Variants in LSAMP observed in about 807,000 individuals in gnomAD.
LSAMP encodes the protein limbic system associated membrane protein.
LSAMP carries 7 observed loss-of-function variants against 38.6 expected under a neutral mutation model. The observed-to-expected ratio is 0.18, with a 90% CI of 0.10 to 0.34. The LOEUF (loss-of-function observed/expected upper bound fraction) is 0.34. LSAMP is among the 10% of genes least tolerant of loss of function. LSAMP has a pLI of 1.00. For synonymous variants in LSAMP, 154 were observed against 166.8 expected (o/e 0.92, Z 0.59); for missense variants, 313 against 420.0 (o/e 0.75, Z 2.23).
At chr3:115,815,067 G>GT (rs1256377877) in intron 6 of LSAMP, among the ~76,000 whole-genome samples, 2 of 152,140 alleles carry the variant, frequency 1.3e-5, no homozygotes, top group African/African-American at 4.8e-5. Context: ...AAATACGGTA[G>GT]TCCCCCCTTA....
At chr3:115,954,127 A>G (rs1384778507) in intron 3 of LSAMP, among the ~76,000 whole-genome samples, 1 of 152,040 alleles carries the variant, frequency 6.6e-6, no homozygotes, top group African/African-American at 2.4e-5. Context: ...CCCGATTCCC[A>G]GTTGGTATGT....
intron 2 of LSAMP, among the ~76,000 whole-genome samples, 167 bp from the exon 3 acceptor site, chr3:116,019,807 A>G (rs749664546): frequency 1.3e-5 from 2 of 152,192 alleles, no homozygotes; most frequent in Non-Finnish European, 2.9e-5. Flanking sequence ...TACCAAATCC[A>G]TAAGTTGTCC....
At chr3:115,883,480 T>C (rs1000802843) in intron 3 of LSAMP, among the ~76,000 whole-genome samples, 1 of 151,984 alleles carries the variant, frequency 6.6e-6, no homozygotes, top group Non-Finnish European at 1.5e-5. Flanking sequence ...GTGATATATT[T>C]TGATGGAACC....
At chr3:116,411,060 T>C (rs6771542) in intron 1 of LSAMP, among the ~76,000 whole-genome samples, 16,543 of 152,032 alleles carry the variant, frequency 0.11, 1,248 homozygotes, top group African/African-American at 0.22. Context: ...GAAATGCAAA[T>C]TCAAACCACA....
At chr3:115,819,688 A>G (rs538927151) in intron 6 of LSAMP, among the ~76,000 whole-genome samples, 1 of 152,334 alleles carries the variant, frequency 6.6e-6, no homozygotes, top group African/African-American at 2.4e-5. Context: ...GATATGAAAT[A>G]TACATTTGCT....
chr3:116,437,943 T>G (rs1268264628), intron 1 of LSAMP, among the ~76,000 whole-genome samples: 1 of 152,006 alleles, frequency 6.6e-6, no homozygotes, highest in Non-Finnish European at 1.5e-5. Flanking sequence ...GCCTTTCCTA[T>G]TCTACATATC....
chr3:116,190,679 G>T (rs890445163), intron 1 of LSAMP, among the ~76,000 whole-genome samples: 3 of 152,112 alleles, frequency 2.0e-5, no homozygotes, highest in African/African-American at 7.2e-5. Context: ...TGTAATTTTG[G>T]AATAAATGGG....
At chr3:115,990,577 C>T (rs1040893282) in intron 3 of LSAMP, among the ~76,000 whole-genome samples, 3 of 152,060 alleles carry the variant, frequency 2.0e-5, no homozygotes, top group Admixed American at 6.6e-5. Context: ...TCTGTTTTCT[C>T]AGGAATTCCA....
At chr3:116,064,234 G>A (rs1941644057) in intron 2 of LSAMP, among the ~76,000 whole-genome samples, 1 of 152,128 alleles carries the variant, frequency 6.6e-6, no homozygotes, top group African/African-American at 2.4e-5. Flanking sequence ...TCTATGGAAA[G>A]TCAGTCTGAG....
At chr3:116,105,857 A>C (rs554733033) in intron 1 of LSAMP, among the ~76,000 whole-genome samples, 3 of 151,802 alleles carry the variant, frequency 2.0e-5, no homozygotes, top group Non-Finnish European at 2.9e-5. Context: ...GGCGGCAAAA[A>C]TTTTTGGGGG....
chr3:115,937,796 TGGCCAGC>T (rs1937758659), intron 3 of LSAMP, among the ~76,000 whole-genome samples: 1 of 1,988 alleles, frequency 5.0e-4, no homozygotes, highest in Admixed American at 0.013. Context: ...TAATCCTGTA[TGGCCAGC>T]TAAATGATAT....
rs1273346101 is a variant in LSAMP at position 115,997,727 on chromosome 3, TATATATATATATATATATATATATATAC to T, written c.514+21760_514+21787del. The stretch of plus-strand genomic sequence containing the variant: ...TGACATTTTGGGATATATATATATA[TATATATATATATATATATATATATATAC>T]ACACACATACATACACACACATATA... On this transcript the variant is annotated intron_variant, in intron 3 of 6. Transcript: ENST00000490035. Among the ~76,000 whole-genome samples the T allele has an allele frequency of 3.9e-3, 234 of 59,654 alleles. 2 individuals are homozygous for T. The highest frequency in any genetic ancestry group is 0.016 in the African/African-American group (229 of 14,002). The allele number at this position is 59,654 out of a possible 152,430, so 39.1% of individuals were successfully genotyped here. A position where few individuals can be genotyped will look rare whatever the true frequency, so the allele number is the denominator to read the frequency against.
intron 3 of LSAMP, among the ~76,000 whole-genome samples, chr3:115,980,143 A>G (rs1939314799): frequency 1.3e-5 from 2 of 152,154 alleles, no homozygotes; most frequent in South Asian, 4.1e-4. Flanking sequence ...TTGGAAGAAG[A>G]TATTTTAACA....
intron 3 of LSAMP, among the ~76,000 whole-genome samples, chr3:115,985,348 T>C (rs1322086239): frequency 6.6e-6 from 1 of 152,198 alleles, no homozygotes; most frequent in East Asian, 1.9e-4. Flanking sequence ...ACATGATCTA[T>C]GATATGAAGC....
intron 1 of LSAMP, among the ~76,000 whole-genome samples, chr3:116,128,276 A>G (rs1035916338): frequency 6.6e-6 from 1 of 152,224 alleles, no homozygotes; most frequent in Admixed American, 6.5e-5. Flanking sequence ...CTCTTCACTT[A>G]TCTATTCCAA....
Position 116,225,652 on chromosome 3 carries a change from C to A in LSAMP, c.156-139096G>T, listed in dbSNP as rs754395485. On this transcript the variant is annotated intron_variant, in intron 1 of 6. Coordinates refer to ENST00000490035, the MANE Select transcript of LSAMP (RefSeq NM_002338.5). ...GACTCCTTTGGGTTAAATATAATGT[C>A]TTTAATTGACTAAAATGCATCATCA... Among the ~76,000 whole-genome samples, 58 of 151,976 alleles carry A rather than the reference C, an allele frequency of 3.8e-4. 1 individual carries two copies. The highest frequency in any genetic ancestry group is 1.0e-4 in the Non-Finnish European group (7 of 67,994).
At chr3:116,303,064 T>G (rs1261532228) in intron 1 of LSAMP, among the ~76,000 whole-genome samples, 1 of 152,110 alleles carries the variant, frequency 6.6e-6, no homozygotes, top group Non-Finnish European at 1.5e-5. Flanking sequence ...TTTTTTGAAC[T>G]ATGAAATTAA....
intron 3 of LSAMP, among the ~76,000 whole-genome samples, chr3:115,921,188 A>C (rs1230244775): frequency 6.6e-6 from 1 of 152,094 alleles, no homozygotes; most frequent in Non-Finnish European, 1.5e-5. Context: ...AATTTAATTA[A>C]TTAACTTTCA....
At chr3:116,272,001 G>T (rs1246066783) in intron 1 of LSAMP, among the ~76,000 whole-genome samples, 1 of 151,878 alleles carries the variant, frequency 6.6e-6, no homozygotes, top group African/African-American at 2.4e-5. Context: ...AATAGAGATT[G>T]GATTTTAGGA....
Sources: allele counts gnomAD v4.1 joint callset (sites outside exome capture counted in the v4.1 genomes callset), GRCh38; gene constraint gnomAD v4.1.1; transcripts MANE v1.5; gene names NCBI Gene and HGNC (gene_info 2026-07-23, HGNC 2026-07-21).